The following KLHL32 variants were observed in gnomAD, a reference collection of about 807,000 sequenced individuals.
KLHL32 encodes the protein kelch-like protein 32.
A neutral mutation model predicts 64.8 loss-of-function variants in KLHL32; 35 were observed. That is an observed-to-expected ratio of 0.54 (90% confidence interval 0.41 to 0.72). KLHL32 has a LOEUF of 0.72. Among genes scored for constraint, KLHL32 ranks in the 30% least tolerant of loss-of-function variants. KLHL32 has a pLI of 0.00. For missense variants in KLHL32, 589 were observed against 768.5 expected (o/e 0.77, Z 2.76); for synonymous variants, 259 against 281.0 (o/e 0.92, Z 0.78).
the KLHL32 span, among the ~76,000 whole-genome samples, chr6:96,912,485 C>A: frequency 6.6e-6 from 1 of 152,160 alleles, no homozygotes; most frequent in South Asian, 2.1e-4. Flanking sequence ...CTGGAATACT[C>A]TTTTCTCCAT....
Position 97,057,222 on chromosome 6 carries a change from C to T in KLHL32, c.313-7406C>T, listed in dbSNP as rs1472662077. On this transcript the variant is annotated intron_variant, in intron 4 of 10. Transcript: ENST00000369261. ...TTTTTGAGACGGAGTTTCGCTCTGT[C>T]GCCCAGGCTGGAGTGCAGTGGCGCG... Among the ~76,000 whole-genome samples, 15 of 64,804 alleles carry T rather than the reference C, an allele frequency of 2.3e-4. 1 individual carries two copies. The East Asian group carries it at 6.8e-3, about 30-fold the overall frequency. The allele number at this position is 64,804 out of a possible 152,430, so 42.5% of individuals were successfully genotyped here.
chr6:97,054,569 C>T (rs1041936636), intron 4 of KLHL32, among the ~76,000 whole-genome samples: 1 of 152,166 alleles, frequency 6.6e-6, no homozygotes, highest in African/African-American at 2.4e-5. Flanking sequence ...ATGTTTGATG[C>T]TTCAAAAGTT....
intron 6 of KLHL32, among the ~76,000 whole-genome samples, chr6:97,106,041 T>C (rs1400117008): frequency 3.3e-5 from 5 of 152,182 alleles, no homozygotes; most frequent in Non-Finnish European, 7.3e-5. Context: ...GTGTATAATA[T>C]ATATGGATAT....
intron 5 of KLHL32, among the ~76,000 whole-genome samples, chr6:97,082,003 C>T (rs905747812): frequency 6.6e-6 from 1 of 152,080 alleles, no homozygotes; most frequent in Non-Finnish European, 1.5e-5. Context: ...GGACTTTTTC[C>T]CCAAAGCAAA....
chr6:97,079,722 G>A lies in KLHL32; in HGVS notation c.412-5404G>A, dbSNP rs531874938. On this transcript the variant is annotated intron_variant, in intron 5 of 10. Coordinates refer to ENST00000369261, the MANE Select transcript of KLHL32 (RefSeq NM_052904.4). ...TATGAGAAACAAATAGAAGGAATAA[G>A]AGAAGCCAAATAGCCCTAAACCAAA... Among the ~76,000 whole-genome samples the A allele has an allele frequency of 3.2e-4, 48 of 152,190 alleles. No individual in the cohort carries two copies. In the South Asian group the frequency reaches 4.8e-3, roughly 15 times the overall value.
At chr6:97,137,920 G>A (rs1327796391) in intron 10 of KLHL32, among the ~76,000 whole-genome samples, 1 of 152,126 alleles carries the variant, frequency 6.6e-6, no homozygotes, top group African/African-American at 2.4e-5. Flanking sequence ...CGTACAAAGA[G>A]GTCTGTGATT....
chr6:97,014,000 T>G (rs945833816), intron 3 of KLHL32, among the ~76,000 whole-genome samples: 1 of 152,134 alleles, frequency 6.6e-6, no homozygotes, highest in African/African-American at 2.4e-5. Flanking sequence ...GAAGGAAATT[T>G]TCTCTCTGTA....
chr6:96,947,895 T>G (rs1772111671), intron 1 of KLHL32, among the ~76,000 whole-genome samples: 1 of 152,120 alleles, frequency 6.6e-6, no homozygotes, highest in Non-Finnish European at 1.5e-5. Context: ...TTTGCACCCT[T>G]ATCTTATGTC....
At chr6:96,937,204 G>A (rs995908399) in intron 1 of KLHL32, among the ~76,000 whole-genome samples, 2 of 152,098 alleles carry the variant, frequency 1.3e-5, no homozygotes, top group Non-Finnish European at 2.9e-5. Flanking sequence ...ACCGCAAAAT[G>A]TTCCCTCATG....
At chr6:97,056,341 G>A (rs935234242) in intron 4 of KLHL32, among the ~76,000 whole-genome samples, 13 of 151,984 alleles carry the variant, frequency 8.6e-5, no homozygotes, top group African/African-American at 2.7e-4. Context: ...TCCTGACCTC[G>A]TGATCCTCCC....
At position 97,125,793 on chromosome 6, in the gene KLHL32, C is replaced by T. The variant is rs561646216; in HGVS notation, c.1355-1611C>T. On this transcript the variant is annotated intron_variant, in intron 7 of 10. Coordinates refer to ENST00000369261, the MANE Select transcript of KLHL32 (RefSeq NM_052904.4). ...CTCTGTCTCAAAAAAGAAAAAGTTA[C>T]CGTCCTACATTCCCATAGAGGCTGG... Among the ~76,000 whole-genome samples the T allele has an allele frequency of 1.8e-4, 28 of 152,246 alleles. No individual in the cohort carries two copies. The South Asian group carries it at 5.6e-3, about 30-fold the overall frequency.
intron 3 of KLHL32, among the ~76,000 whole-genome samples, chr6:97,013,913 T>C (rs1261098825): frequency 1.3e-5 from 2 of 152,196 alleles, no homozygotes; most frequent in Non-Finnish European, 2.9e-5. Flanking sequence ...TTTGTTGTCC[T>C]AAAGTTTAAA....
intron 1 of KLHL32, among the ~76,000 whole-genome samples, chr6:96,932,347 T>A (rs930130702): frequency 4.6e-5 from 7 of 151,994 alleles, no homozygotes; most frequent in African/African-American, 1.5e-4. Flanking sequence ...AAGCTATTTA[T>A]CATTTCTTGG....
chr6:97,022,729 C>A (rs1782181172), intron 3 of KLHL32, among the ~76,000 whole-genome samples: 1 of 152,168 alleles, frequency 6.6e-6, no homozygotes, highest in Non-Finnish European at 1.5e-5. Context: ...CTCAGCCTCC[C>A]AAAGTGCTGG....
At chr6:96,986,041 T>C (rs978325015) in intron 3 of KLHL32, among the ~76,000 whole-genome samples, 5 of 152,178 alleles carry the variant, frequency 3.3e-5, no homozygotes, top group Admixed American at 2.0e-4. Flanking sequence ...GACGTACAGA[T>C]GGGGTTTTGG....
At chr6:96,923,548 C>T (rs1315081200), upstream of KLHL32, among the ~76,000 whole-genome samples, 1 of 152,128 alleles carries the variant, frequency 6.6e-6, no homozygotes, top group Non-Finnish European at 1.5e-5. Context: ...AGACAGATAA[C>T]CTCCAGAGGG....
intron 3 of KLHL32, among the ~76,000 whole-genome samples, chr6:96,991,447 G>A (rs1298993651): frequency 6.6e-6 from 1 of 152,050 alleles, no homozygotes; most frequent in African/African-American, 2.4e-5. Flanking sequence ...ATGCAGTAAG[G>A]GTGGTACCCA....
chr6:96,958,704 T>TGGCTAGAACTC (rs1773546748), intron 1 of KLHL32, among the ~76,000 whole-genome samples: 3 of 152,360 alleles, frequency 2.0e-5, no homozygotes, highest in Middle Eastern at 3.4e-3. Flanking sequence ...AACTGGATCT[T>TGGCTAGAACTC]CACATCTCTC....
At position 97,135,052 on chromosome 6, in the gene KLHL32, T is replaced by G. The variant is rs1308404949; in HGVS notation, c.1701+2305T>G. 2.0e-5 allele frequency among the ~76,000 whole-genome samples: 3 copies of G among 152,114 alleles called. No individual in the cohort carries two copies. The East Asian group carries it at 5.8e-4, about 29-fold the overall frequency. ...AGGATATTTGAGAGTATCCTCAGGATTATGGTGATTATCAAAGGGGATTCA... is the reference window on the plus strand; with the variant it reads ...AGGATATTTGAGAGTATCCTCAGGAGTATGGTGATTATCAAAGGGGATTCA... On this transcript the variant is annotated intron_variant, in intron 10 of 10. Transcript: ENST00000369261.
Sources: allele counts gnomAD v4.1 joint callset (sites outside exome capture counted in the v4.1 genomes callset), GRCh38; gene constraint gnomAD v4.1.1; transcripts MANE v1.5; gene names NCBI Gene and HGNC (gene_info 2026-07-23, HGNC 2026-07-21).